HTT: variants seen among roughly 807,000 people sequenced by gnomAD.
HTT encodes the protein huntington disease protein.
HTT carries 104 observed loss-of-function variants against 362.3 expected under a neutral mutation model. The ratio of observed to expected loss-of-function variants is 0.29; its 90% confidence interval spans 0.24 to 0.34. HTT has a LOEUF of 0.34. Among genes scored for constraint, HTT ranks in the 10% least tolerant of loss-of-function variants. The pLI, the probability that HTT is intolerant of heterozygous loss-of-function variation, is 1.00. For synonymous variants in HTT, 1,577 were observed against 1,548.7 expected, an observed-to-expected ratio of 1.02 and a Z score of -0.43; for missense variants, 3,301 against 3,928.6, an observed-to-expected ratio of 0.84 and a Z score of 4.27.
Position 3,127,256 on chromosome 4 carries a change from G to C in HTT, c.1403-8G>C, listed in dbSNP as rs1715563587. ...CCATTTGACAAATGAGTGTTTCTCT[G>C]TCTTCAGCCTCAGTGAAGGATGAGA... On this transcript the variant is annotated splice_polypyrimidine_tract_variant and splice_region_variant and intron_variant, in intron 11 of 66. Transcript: ENST00000355072. 1.2e-6 allele frequency: 2 copies of C among 1,603,052 alleles called. No individual in the cohort carries two copies. The highest frequency in any genetic ancestry group is 2.7e-5 in the African/African-American group (2 of 74,824).
At chr4:3,204,483 A>C (rs1024123709) in intron 42 of HTT, among the ~76,000 whole-genome samples, 1 of 152,204 alleles carries the variant, frequency 6.6e-6, no homozygotes, top group African/African-American at 2.4e-5. Context: ...CTAATGATTT[A>C]AAAAACAAAG....
At chr4:3,193,690 A>G (rs1459790878) in intron 40 of HTT, among the ~76,000 whole-genome samples, 2 of 152,242 alleles carry the variant, frequency 1.3e-5, no homozygotes, top group African/African-American at 4.8e-5. Context: ...CTTTAGCCAC[A>G]TGTGGTGTTC....
intron 29 of HTT, among the ~76,000 whole-genome samples, chr4:3,164,941 T>C (rs1717626845): frequency 6.6e-6 from 1 of 152,222 alleles, no homozygotes; most frequent in Admixed American, 6.5e-5. Flanking sequence ...AATATTGCTA[T>C]GTGTGAATTT....
Position 3,154,363 on chromosome 4 carries a change from CAGG to C in HTT, c.3572_3574del (p.Gly1191del). 1 of 1,613,694 alleles carries C rather than the reference CAGG, an allele frequency of 6.2e-7. No individual in the cohort carries two copies. The highest frequency in any genetic ancestry group is 8.5e-7 in the Non-Finnish European group (1 of 1,179,846). ...CGACGAAAGGGGAAGGAGAAAGAAC[CAGG>C]AGAACAAGCATCTGTACCGTTGAGT... On this transcript the variant is annotated inframe_deletion, in exon 27 of 67. Coordinates refer to ENST00000355072, the MANE Select transcript of HTT (RefSeq NM_001388492.1).
intron 46 of HTT, among the ~76,000 whole-genome samples, chr4:3,209,118 A>C (rs1439094578): frequency 6.6e-6 from 1 of 152,092 alleles, no homozygotes; most frequent in Admixed American, 6.5e-5. Flanking sequence ...TTTTGGTAGG[A>C]GTGTGGGGTG....
chr4:3,149,234 C>G (rs1042681283), intron 26 of HTT, among the ~76,000 whole-genome samples: 1 of 151,360 alleles, frequency 6.6e-6, no homozygotes, highest in African/African-American at 2.4e-5. Flanking sequence ...GCAATAAAAT[C>G]AACTTCAAAA....
intron 6 of HTT, among the ~76,000 whole-genome samples, chr4:3,112,129 C>A (rs1289078828): frequency 6.6e-6 from 1 of 152,182 alleles, no homozygotes; most frequent in Non-Finnish European, 1.5e-5. Context: ...TATACAACTT[C>A]TTTACATGAT....
chr4:3,092,265 G>A (rs1047768995), intron 2 of HTT, among the ~76,000 whole-genome samples: 8 of 152,124 alleles, frequency 5.3e-5, no homozygotes, highest in African/African-American at 1.7e-4. Context: ...CTCATGATCC[G>A]CGCCCCTCGG....
chr4:3,125,841 T>C (rs1715497409), intron 11 of HTT, among the ~76,000 whole-genome samples: 1 of 152,178 alleles, frequency 6.6e-6, no homozygotes, highest in African/African-American at 2.4e-5. Context: ...TTTGTTGTTT[T>C]CCATGGTTTA....
chr4:3,143,864 A>G (rs752442981), intron 23 of HTT, among the ~76,000 whole-genome samples: 3 of 152,060 alleles, frequency 2.0e-5, no homozygotes, highest in South Asian at 2.1e-4. Context: ...CGACCCCCCA[A>G]AGTGCTGGGA....
intron 21 of HTT, among the ~76,000 whole-genome samples, chr4:3,137,141 C>T (rs1037091744): frequency 1.3e-5 from 2 of 151,882 alleles, no homozygotes; most frequent in African/African-American, 2.4e-5. Context: ...CTTCTGACCC[C>T]GTGATCCACC....
At chr4:3,196,530 G>A (rs1007399914) in intron 40 of HTT, among the ~76,000 whole-genome samples, 1 of 152,096 alleles carries the variant, frequency 6.6e-6, no homozygotes, top group Non-Finnish European at 1.5e-5. Flanking sequence ...TTGAGCCCAG[G>A]AGTTTGAGAT....
chr4:3,154,271 T>G, intron 26 of HTT, 22 bp from the exon 27 acceptor site: 4 of 1,524,300 alleles, frequency 2.6e-6, no homozygotes, highest in Non-Finnish European at 3.5e-6. Flanking sequence ...TTTTGTTTTT[T>G]GTTTTTGTTT....
intron 61 of HTT, 32 bp from the exon 62 acceptor site, chr4:3,235,252 G>C (rs370971072): frequency 6.9e-7 from 1 of 1,442,130 alleles, no homozygotes; most frequent in South Asian, 1.1e-5. Flanking sequence ...GGATGGGGGT[G>C]GCTGAGCCTG....
At chr4:3,190,120 GA>G (rs1718947270) in intron 40 of HTT, among the ~76,000 whole-genome samples, 1 of 152,130 alleles carries the variant, frequency 6.6e-6, no homozygotes, top group Non-Finnish European at 1.5e-5. Context: ...AAGGTAAAAG[GA>G]TCACTTGAAG....
At chr4:3,220,856 G>T (rs28436280) in intron 53 of HTT, among the ~76,000 whole-genome samples, 21,523 of 152,152 alleles carry the variant, frequency 0.14, 1,879 homozygotes, top group African/African-American at 0.25. Context: ...GGGCAAGTCC[G>T]TCTAACCTCT....
intron 12 of HTT, chr4:3,129,678 C>A: frequency 5.6e-6 from 2 of 360,258 alleles, no homozygotes; most frequent in South Asian, 7.2e-5. Context: ...AAGAAATGTC[C>A]ACATTGGAAT....
In HTT at chr4:3,208,888, C is replaced by T. The variant is rs770085166; in HGVS notation, c.6268C>T (p.Leu2090=). Residue 2090 remains leucine, a synonymous_variant, in exon 46 of 67, where the codon CTG becomes TTG. Transcript: ENST00000355072. The part of the protein sequence containing the change: ...HPLDGDGHVS[L]ETVSPDKDWY... ...GCTGGACGGGGATGGGCACGTGTCA[C>T]TGGAAACAGTGAGTCCGGACAAAGT... is the stretch of plus-strand genomic sequence containing the variant. 1.2e-6 allele frequency: 2 copies of T among 1,612,968 alleles called. No homozygotes were observed. The highest frequency in any genetic ancestry group is 1.7e-6 in the Non-Finnish European group (2 of 1,179,698).
intron 39 of HTT, chr4:3,188,678 G>T: frequency 3.7e-6 from 1 of 270,364 alleles, no homozygotes; most frequent in Middle Eastern, 1.2e-3. Flanking sequence ...AAATTCCTGT[G>T]ACAGATGATC....
Sources: allele counts gnomAD v4.1 joint callset (sites outside exome capture counted in the v4.1 genomes callset), GRCh38; gene constraint gnomAD v4.1.1; transcripts MANE v1.5; gene names NCBI Gene and HGNC (gene_info 2026-07-23, HGNC 2026-07-21).